CD300LF: variants seen among roughly 807,000 people sequenced by gnomAD.
CD300LF encodes CD300 molecule like family member f, also known as CMRF35-like molecule 1.
Under a neutral mutation model 32.2 loss-of-function variants are expected in CD300LF, and 27 were observed. That is an observed-to-expected ratio of 0.84 (90% CI 0.62 to 1.15). CD300LF has a LOEUF of 1.15. Ranked by LOEUF, CD300LF falls within the 50% of genes most tolerant of loss-of-function variation. The pLI, the probability that CD300LF is intolerant of heterozygous loss-of-function variation, is 0.00. For missense variants in CD300LF, 348 were observed against 356.8 expected (o/e 0.98, Z 0.20); for synonymous variants, 139 against 143.2 (o/e 0.97, Z 0.21).
chr17:74,702,523 G>A (rs988080375), intron 3 of CD300LF, among the ~76,000 whole-genome samples: 6 of 152,128 alleles, frequency 3.9e-5, no homozygotes, highest in African/African-American at 1.4e-4. Context: ...AGAAACTATA[G>A]GCATCACTGT....
intron 3 of CD300LF, among the ~76,000 whole-genome samples, chr17:74,699,471 C>T (rs2032837812): frequency 1.3e-5 from 2 of 152,116 alleles, no homozygotes; most frequent in Admixed American, 6.6e-5. Flanking sequence ...CCTGATCCAG[C>T]GACTGGTGTC....
At chr17:74,711,301 C>G (rs2033944291) in intron 1 of CD300LF, among the ~76,000 whole-genome samples, 3 of 152,112 alleles carry the variant, frequency 2.0e-5, no homozygotes, top group South Asian at 4.1e-4. Flanking sequence ...CCAAACCACT[C>G]CCACTCCCAA....
intron 2 of CD300LF, 69 bp downstream of exon 2, chr17:74,704,409 G>C: frequency 8.9e-7 from 1 of 1,123,096 alleles, no homozygotes; most frequent in Non-Finnish European, 1.3e-6. Flanking sequence ...TAAATCACTT[G>C]AGTAGGACCT....
In CD300LF at chr17:74,695,179, A is replaced by G. The variant is rs1467168130; in HGVS notation, c.790T>C (p.Cys264Arg). The G allele has an allele frequency of 1.2e-6, 2 of 1,613,986 alleles. No homozygotes were observed. The highest frequency in any genetic ancestry group is 2.2e-5 in the East Asian group (1 of 44,860). ...TGGCTACTGAGGTGGCCCATGTTGC[A>G]GTAGGTCGGTTCCTGATCCTCAGCA... ...LGAEDQEPTY[C>R]NMGHLSSHLP... is the part of the protein sequence containing the mutation. Residue 264 changes from cysteine to arginine, a missense_variant, in exon 7 of 7, where the codon TGC (cysteine) becomes CGC (arginine). By Grantham distance (180) the Cys-to-Arg change is radical. Transcript: ENST00000326165.
intron 1 of CD300LF, among the ~76,000 whole-genome samples, chr17:74,710,733 C>T (rs187283713): frequency 1.3e-5 from 2 of 151,400 alleles, no homozygotes; most frequent in African/African-American, 2.4e-5. Flanking sequence ...GCCAGGCATG[C>T]TGGCACACCT....
intron 1 of CD300LF, chr17:74,705,251 C>T (rs923792032): frequency 2.3e-5 from 16 of 702,078 alleles, no homozygotes; most frequent in South Asian, 8.9e-5. Flanking sequence ...CTGAGGCAGC[C>T]ACATCAGATG....
chr17:74,695,587 G>T, intron 6 of CD300LF, 138 bp downstream of exon 6: 1 of 1,262,706 alleles, frequency 7.9e-7, no homozygotes, highest in Non-Finnish European at 1.1e-6. Flanking sequence ...GGCGAGTCCT[G>T]CAGTGACTAT....
chr17:74,710,583 G>C (rs1272461028), intron 1 of CD300LF, among the ~76,000 whole-genome samples: 1 of 152,014 alleles, frequency 6.6e-6, no homozygotes, highest in East Asian at 1.9e-4. Context: ...GTGAGGCTGG[G>C]CGCGGTGGCT....
intron 3 of CD300LF, among the ~76,000 whole-genome samples, chr17:74,699,520 G>C (rs2143651271): frequency 6.6e-6 from 1 of 152,218 alleles, no homozygotes; most frequent in Non-Finnish European, 1.5e-5. Context: ...ACACACACAG[G>C]AAGAAGACCA....
At chr17:74,703,399 G>A (rs2143749777) in intron 2 of CD300LF, among the ~76,000 whole-genome samples, 1 of 152,202 alleles carries the variant, frequency 6.6e-6, no homozygotes, top group Middle Eastern at 3.4e-3. Context: ...AAGAGCCTAA[G>A]GGCAGCTGGA....
At chr17:74,705,072 G>C (rs2033397076) in intron 1 of CD300LF, 1 of 629,162 alleles carries the variant, frequency 1.6e-6, no homozygotes, top group East Asian at 2.7e-5. Flanking sequence ...ACTTCCTGCA[G>C]TTCACCCCTC....
At chr17:74,695,580 G>T in intron 6 of CD300LF, 145 bp downstream of exon 6, 1 of 1,175,024 alleles carries the variant, frequency 8.5e-7, no homozygotes, top group Non-Finnish European at 1.2e-6. Context: ...GCTCCTAGGC[G>T]AGTCCTGCAG....
chr17:74,697,306 T>C (rs542120225), intron 4 of CD300LF, among the ~76,000 whole-genome samples: 60 of 152,114 alleles, frequency 3.9e-4, no homozygotes, highest in South Asian at 1.5e-3. Flanking sequence ...CCTGTCTTCT[T>C]TCTCCCCTCC....
In CD300LF at chr17:74,704,504, AC is replaced by A. The variant is rs749399700; in HGVS notation, c.355del (p.Val119SerfsTer5). The A allele has an allele frequency of 8.1e-6, 13 of 1,613,504 alleles. No homozygotes were observed. In the South Asian group the frequency reaches 1.4e-4, roughly 18 times the overall value. On this transcript the variant is annotated frameshift_variant, in exon 2 of 7. Transcript: ENST00000326165. LOFTEE classifies it high-confidence loss of function. Reference sequence around the variant, plus strand: ...TGGGTCAATGGTCACTTGAACTGTGACCCCAAGGTCATTTCCAGTTTTCTCA... The same window carrying A: ...TGGGTCAATGGTCACTTGAACTGTGACCCAAGGTCATTTCCAGTTTTCTCA... ...GIEKTGNDLG[V>X]TVQVTIDPAP...
chr17:74,696,116 G>A (rs995990232), intron 5 of CD300LF, 79 bp downstream of exon 5: 5 of 1,519,686 alleles, frequency 3.3e-6, no homozygotes, highest in African/African-American at 1.4e-5. Context: ...TGATATTTTG[G>A]ACCTTCTGAG....
intron 4 of CD300LF, among the ~76,000 whole-genome samples, chr17:74,698,126 T>A (rs1262463571): frequency 1.3e-5 from 2 of 152,028 alleles, no homozygotes; most frequent in African/African-American, 4.8e-5. Flanking sequence ...GGGAGGTGGA[T>A]CAGAGAGAAG....
At chr17:74,703,951 G>C (rs2033286873) in intron 2 of CD300LF, among the ~76,000 whole-genome samples, 1 of 152,236 alleles carries the variant, frequency 6.6e-6, no homozygotes, top group South Asian at 2.1e-4. Context: ...CAGGGACCAG[G>C]AATGCAGCCG....
intron 4 of CD300LF, among the ~76,000 whole-genome samples, chr17:74,696,716 G>A (rs1295715950): frequency 6.6e-6 from 1 of 152,150 alleles, no homozygotes; most frequent in African/African-American, 2.4e-5. Flanking sequence ...ATTCTAGTTA[G>A]TCCTCAGGTG....
At chr17:74,712,037 A>T (rs2034004087) in intron 1 of CD300LF, among the ~76,000 whole-genome samples, 4 of 148,640 alleles carry the variant, frequency 2.7e-5, no homozygotes, top group Admixed American at 1.3e-4. Flanking sequence ...CCAGCCTCCC[A>T]AGTAGCTGGG....
Sources: allele counts gnomAD v4.1 joint callset (sites outside exome capture counted in the v4.1 genomes callset), GRCh38; gene constraint gnomAD v4.1.1; transcripts MANE v1.5; gene names NCBI Gene and HGNC (gene_info 2026-07-23, HGNC 2026-07-21).